Variants in STIL observed in about 807,000 individuals in gnomAD.
The protein encoded by STIL is SCL-interrupting locus protein.
A neutral mutation model predicts 110.1 loss-of-function variants in STIL; 55 were observed. The observed-to-expected ratio is 0.50, with a 90% CI of 0.40 to 0.63. The LOEUF (loss-of-function observed/expected upper bound fraction) is 0.63, where lower values mean the gene tolerates loss of function less well. Ranked by LOEUF, STIL falls within the 20% of genes least tolerant of loss-of-function variation. The pLI, the probability that STIL is intolerant of heterozygous loss-of-function variation, is 0.00. For missense variants in STIL, 1,358 were observed against 1,530.0 expected (o/e 0.89, Z 1.87); for synonymous variants, 481 against 530.0 (o/e 0.91, Z 1.27).
chr1:47,280,726 G>A lies in STIL; in HGVS notation c.1732C>T (p.Pro578Ser). 4 of 1,614,074 alleles carry A rather than the reference G, an allele frequency of 2.5e-6. No homozygotes were observed. The highest frequency in any genetic ancestry group is 2.5e-6 in the Non-Finnish European group (3 of 1,179,950). ...QSQPHDFVFS[P>S]HNSGRPMELQ... ...TCCATTGGTCTTCCTGAATTATGGG[G>A]TGAAAAAACAAAATCGTGTGGTTGG... The change falls in exon 12 of 17, where the codon CCC (proline) becomes TCC (serine). Residue 578 changes from proline to serine, a missense_variant. By Grantham distance (74) the Pro-to-Ser change is moderately conservative (BLOSUM62 -1). Transcript: ENST00000371877.
chr1:47,287,447 TA>T, intron 10 of STIL, 103 bp downstream of exon 10: 1 of 759,812 alleles, frequency 1.3e-6, no homozygotes, highest in Non-Finnish European at 2.1e-6. Context: ...ACATAAGATT[TA>T]AAAAATCATT....
At chr1:47,253,756 A>G (rs1644251004) in intron 16 of STIL, among the ~76,000 whole-genome samples, 1 of 152,208 alleles carries the variant, frequency 6.6e-6, no homozygotes, top group African/African-American at 2.4e-5. Flanking sequence ...CCCATGAAGA[A>G]ATTCAGCTGT....
intron 1 of STIL, among the ~76,000 whole-genome samples, chr1:47,312,243 C>A (rs1031804653): frequency 6.6e-6 from 1 of 152,084 alleles, no homozygotes; most frequent in African/African-American, 2.4e-5. Context: ...GTAATCCCAG[C>A]ACTTTGGGAG....
rs1166177662 is a variant in STIL, at chr1:47,301,517, G to A, written c.453+44C>T. 8 of 1,527,272 alleles carry A rather than the reference G, an allele frequency of 5.2e-6. No individual in the cohort carries two copies. In the East Asian group the frequency reaches 1.8e-4, roughly 34 times the overall value. 94.6% of individuals were successfully genotyped at this position (1,527,272 alleles called of 1,614,324 possible). ...AAATACAGCATACTAAACATAGTTT[G>A]ATTCTTGTGTTGAATTAACTATCAA... On this transcript the variant is annotated intron_variant, in intron 5 of 16. Coordinates refer to ENST00000371877, the MANE Select transcript of STIL (RefSeq NM_001048166.1).
chr1:47,272,551 C>A (rs114437803), intron 12 of STIL, among the ~76,000 whole-genome samples: 4 of 151,644 alleles, frequency 2.6e-5, no homozygotes, highest in African/African-American at 9.7e-5. Context: ...TGGGCTCAAT[C>A]GATCCTCCCA....
At chr1:47,273,989 T>C (rs114851615) in intron 12 of STIL, among the ~76,000 whole-genome samples, 2,569 of 152,306 alleles carry the variant, frequency 0.017, 70 homozygotes, top group African/African-American at 0.058. Context: ...TTAACCACTA[T>C]GAGCTTCAAT....
At chr1:47,294,864 G>C (rs115232197) in intron 7 of STIL, among the ~76,000 whole-genome samples, 1 of 152,156 alleles carries the variant, frequency 6.6e-6, no homozygotes, top group East Asian at 1.9e-4. Context: ...GGTAGTGAGA[G>C]AATACTGAAG....
At chr1:47,293,575 T>G (rs780432290) in intron 7 of STIL, 31 bp from the exon 8 acceptor site, 2 of 1,548,512 alleles carry the variant, frequency 1.3e-6, no homozygotes, top group Non-Finnish European at 1.8e-6. Flanking sequence ...TTAAAAACCA[T>G]AGTCACTTAC....
rs145890465 is a variant in STIL, at chr1:47,265,158, C to T, written c.2616-2042G>A. ...GGCTGAGGCAGAAGGATCTCCGGAA[C>T]CCAGGAGGTGGAGGTTGCAGTGAAC... On this transcript the variant is annotated intron_variant, in intron 14 of 16. Coordinates refer to ENST00000371877, the MANE Select transcript of STIL (RefSeq NM_001048166.1). Among the ~76,000 whole-genome samples, 325 of 133,206 alleles carry T rather than the reference C, an allele frequency of 2.4e-3. 1 individual carries two copies. Among genetic ancestry groups the T allele is most frequent in the African/African-American group, 8.3e-3 (308 of 37,100 alleles). The allele number at this position is 133,206 out of a possible 152,430, so 87.4% of individuals were successfully genotyped here.
intron 14 of STIL, among the ~76,000 whole-genome samples, chr1:47,267,085 T>G (rs1432673326): frequency 6.6e-6 from 1 of 152,160 alleles, no homozygotes; most frequent in Non-Finnish European, 1.5e-5. Context: ...TCCCCAGATA[T>G]TATCATGACT....
chr1:47,285,863 A>AT (rs923513883), intron 10 of STIL, among the ~76,000 whole-genome samples: 176 of 146,474 alleles, frequency 1.2e-3, no homozygotes, highest in East Asian at 5.0e-3. Context: ...TTTTAAAACA[A>AT]TTTTTTTTTT....
chr1:47,295,210 T>C (rs1273214065), intron 7 of STIL, among the ~76,000 whole-genome samples: 2 of 152,142 alleles, frequency 1.3e-5, no homozygotes, highest in Non-Finnish European at 2.9e-5. Flanking sequence ...GTGCTGGGAT[T>C]ACAGGCGTGA....
Position 47,310,382 on chromosome 1 carries a change from A to G in STIL, c.-43-20T>C, listed in dbSNP as rs908872136. On this transcript the variant is annotated intron_variant, in intron 1 of 16. Coordinates refer to ENST00000371877, the MANE Select transcript of STIL (RefSeq NM_001048166.1). ...AGTATCCTAAAGAATTAAAGAGAAT[A>G]TTACTAATGAATGATAAAAACAAAG... The G allele has an allele frequency of 1.4e-6, 2 of 1,434,632 alleles. No homozygotes were observed. The highest frequency in any genetic ancestry group is 2.8e-5 in the African/African-American group (2 of 70,900). 88.9% of individuals were successfully genotyped at this position (1,434,632 alleles called of 1,614,324 possible). A position where few individuals can be genotyped will look rare whatever the true frequency, so the allele number is the denominator to read the frequency against.
intron 15 of STIL, among the ~76,000 whole-genome samples, chr1:47,261,012 G>C (rs1168401824): frequency 1.3e-5 from 2 of 152,216 alleles, no homozygotes; most frequent in East Asian, 3.8e-4. Flanking sequence ...GTATTATGAA[G>C]TTTTTATAGA....
chr1:47,263,437 C>T (rs1644539377), intron 14 of STIL, among the ~76,000 whole-genome samples: 2 of 152,160 alleles, frequency 1.3e-5, no homozygotes, highest in Non-Finnish European at 2.9e-5. Flanking sequence ...CCTAGCTGCT[C>T]AGGAGGCTGA....
intron 8 of STIL, among the ~76,000 whole-genome samples, chr1:47,290,702 C>CAA (rs546994585): frequency 5.3e-5 from 4 of 75,874 alleles, no homozygotes; most frequent in Non-Finnish European, 5.5e-5. Context: ...GACTCCGTCT[C>CAA]AAAAAAAAAA....
intron 12 of STIL, among the ~76,000 whole-genome samples, chr1:47,272,590 C>A (rs564712528): frequency 1.3e-5 from 2 of 152,022 alleles, no homozygotes; most frequent in South Asian, 2.1e-4. Flanking sequence ...GCTGGGATGA[C>A]AGCCATGCAC....
rs755837661 is a variant in STIL, at chr1:47,302,312, G to A, written c.187C>T (p.Arg63Ter). 2 of 1,613,990 alleles carry A rather than the reference G, an allele frequency of 1.2e-6. No homozygotes were observed. Among genetic ancestry groups the A allele is most frequent in the Admixed American group, 1.7e-5 (1 of 60,000 alleles). ...TGCTTAGCATGACGATAAGCAAGTCGGATGGTCTTCTCAGTCACCACAAGC... is the reference window on the plus strand; with the variant it reads ...TGCTTAGCATGACGATAAGCAAGTCAGATGGTCTTCTCAGTCACCACAAGC... ...PKLVVTEKTI[R>*]LAYRHAKQNK... Residue 63 changes from arginine to a stop codon, truncating the protein, a stop_gained, in exon 4 of 17, where the codon CGA (arginine) becomes TGA (stop). Coordinates refer to ENST00000371877, the MANE Select transcript of STIL (RefSeq NM_001048166.1). LOFTEE classifies it high-confidence loss of function.
intron 16 of STIL, among the ~76,000 whole-genome samples, chr1:47,256,949 T>C (rs1644347931): frequency 6.6e-6 from 1 of 152,072 alleles, no homozygotes; most frequent in Admixed American, 6.6e-5. Context: ...TGAGCCCAGA[T>C]CATGCCACTG....
Sources: allele counts gnomAD v4.1 joint callset (sites outside exome capture counted in the v4.1 genomes callset), GRCh38; gene constraint gnomAD v4.1.1; transcripts MANE v1.5; gene names NCBI Gene and HGNC (gene_info 2026-07-23, HGNC 2026-07-21).